Variants in PDCD6IP observed in about 807,000 individuals in gnomAD.
PDCD6IP encodes programmed cell death 6-interacting protein.
In PDCD6IP, 43 loss-of-function variants were observed where a neutral mutation model predicts 103.7. The ratio of observed to expected loss-of-function variants is 0.41; its 90% confidence interval spans 0.32 to 0.53. PDCD6IP has a LOEUF of 0.53. PDCD6IP is among the 20% of genes least tolerant of loss of function. The probability of loss-of-function intolerance (pLI) is 0.16; values close to 1 mark genes in which losing one functional copy is unlikely to be tolerated. For missense variants in PDCD6IP, 871 were observed against 1,036.7 expected (o/e 0.84, Z 2.20); for synonymous variants, 354 against 378.7 (o/e 0.93, Z 0.76).
At chr3:33,798,984 C>A in intron 1 of PDCD6IP, 47 bp downstream of exon 1, 1 of 1,431,312 alleles carries the variant, frequency 7.0e-7, no homozygotes, top group South Asian at 1.3e-5. Context: ...AGCCGTCGCT[C>A]GCCGCTCCTC....
intron 6 of PDCD6IP, 177 bp downstream of exon 6, chr3:33,826,757 T>C (rs984300239): frequency 3.9e-5 from 53 of 1,360,144 alleles, no homozygotes; most frequent in Non-Finnish European, 3.8e-5. Context: ...TGAACAATTC[T>C]TTTATGTTTA....
At position 33,798,704 on chromosome 3, in the gene PDCD6IP, C is replaced by A; in HGVS notation, c.-25C>A. 1 of 1,526,880 alleles carries A rather than the reference C, an allele frequency of 6.5e-7. No individual in the cohort carries two copies. The highest frequency in any genetic ancestry group is 8.8e-7 in the Non-Finnish European group (1 of 1,130,446). The allele number at this position is 1,526,880 out of a possible 1,614,324, so 94.6% of individuals were successfully genotyped here. A position where few individuals can be genotyped will look rare whatever the true frequency, so the allele number is the denominator to read the frequency against. On this transcript the variant is annotated 5_prime_UTR_variant, in exon 1 of 18. Transcript: ENST00000307296. ...GTAAGCTGTCCGCGGTCTGTTTGGC[C>A]CGAACGGCGGCGGAGGCGCTGATCA... is the stretch of plus-strand genomic sequence containing the variant.
chr3:33,800,216 G>A (rs1179118498), intron 1 of PDCD6IP, among the ~76,000 whole-genome samples: 1 of 151,286 alleles, frequency 6.6e-6, no homozygotes, highest in South Asian at 2.1e-4. Context: ...ACTGGAGATC[G>A]TCTTGCCTCC....
Position 33,819,744 on chromosome 3 carries a change from G to T in PDCD6IP, c.335-2211G>T, listed in dbSNP as rs115953588. Among the ~76,000 whole-genome samples the T allele has an allele frequency of 6.3e-3, 955 of 152,334 alleles. 16 individuals carry two copies. Among genetic ancestry groups the T allele is most frequent in the Admixed American group, 0.036 (550 of 15,296 alleles). ...TTTGTAAGGAGCCTTATTTTGCCTA[G>T]TGGTCAATGCCTTGCACATTATGCA... On this transcript the variant is annotated intron_variant, in intron 3 of 17. Coordinates refer to ENST00000307296, the MANE Select transcript of PDCD6IP (RefSeq NM_013374.6).
chr3:33,848,007 C>T (rs4678617), intron 12 of PDCD6IP, among the ~76,000 whole-genome samples: 1 of 151,768 alleles, frequency 6.6e-6, no homozygotes, highest in South Asian at 2.1e-4. Context: ...TACCTCCTTA[C>T]AGGTAGAGCA....
In PDCD6IP at chr3:33,813,564, C is replaced by T. The variant is rs370717543; in HGVS notation, c.270C>T (p.Cys90=). Residue 90 remains cysteine (C), a synonymous_variant, in exon 3 of 18, where the codon TGC becomes TGT. Coordinates refer to ENST00000307296, the MANE Select transcript of PDCD6IP (RefSeq NM_013374.6). ...TTTTCTTTCATTCTATCCAGATCTG[C>T]TTGACATTTACCTGGAAGGATGCTT... The part of the protein sequence containing the change: ...PKFPFSENQI[C]LTFTWKDAFD... 3 of 1,599,598 alleles carry T rather than the reference C, an allele frequency of 1.9e-6. No individual in the cohort carries two copies. The highest frequency in any genetic ancestry group is 2.6e-6 in the Non-Finnish European group (3 of 1,167,756).
intron 15 of PDCD6IP, among the ~76,000 whole-genome samples, chr3:33,856,167 T>C (rs1179502463): frequency 6.6e-6 from 1 of 152,214 alleles, no homozygotes; most frequent in Non-Finnish European, 1.5e-5. Context: ...AACAGTTTCA[T>C]CCTGAAATCA....
At chr3:33,805,354 CAA>C (rs11341586) in intron 1 of PDCD6IP, among the ~76,000 whole-genome samples, 60 of 112,424 alleles carry the variant, frequency 5.3e-4, no homozygotes, top group East Asian at 2.0e-3. Context: ...GATTCTGTCT[CAA>C]AAAAAAAAAA....
At chr3:33,808,623 TC>T (rs1334383498) in intron 1 of PDCD6IP, among the ~76,000 whole-genome samples, 1 of 152,194 alleles carries the variant, frequency 6.6e-6, no homozygotes. Flanking sequence ...ACTCCATTGA[TC>T]CGTGCTAGCA....
At chr3:33,863,950 T>C (rs1217342118) in intron 15 of PDCD6IP, 56 bp from the exon 16 acceptor site, 8 of 1,118,680 alleles carry the variant, frequency 7.2e-6, no homozygotes, top group African/African-American at 1.5e-5. Flanking sequence ...GCTGATATTT[T>C]ATGTGTGTTA....
At chr3:33,838,869 A>C (rs1424280780) in intron 9 of PDCD6IP, among the ~76,000 whole-genome samples, 3 of 151,928 alleles carry the variant, frequency 2.0e-5, no homozygotes, top group Admixed American at 2.0e-4. Flanking sequence ...TGTAAACACT[A>C]AACATGGCTC....
intron 15 of PDCD6IP, among the ~76,000 whole-genome samples, chr3:33,861,569 G>A (rs193171593): frequency 6.6e-6 from 1 of 152,206 alleles, no homozygotes; most frequent in Non-Finnish European, 1.5e-5. Context: ...GTTATATGCA[G>A]TGCTGTTGGG....
Position 33,798,763 on chromosome 3 carries a change from C to A in PDCD6IP, c.35C>A (p.Thr12Asn). Residue 12 changes from threonine to asparagine, a missense_variant, in exon 1 of 18, where the codon ACC becomes AAC. Transcript: ENST00000307296. Reference protein sequence around the residue: ...ATFISVQLKKTSEVDLAKPLV... With the variant: ...ATFISVQLKKNSEVDLAKPLV... ...TTCATCTCGGTGCAGCTGAAAAAGACCTCAGAGGTGGACCTGGCCAAGCCG... is the reference window on the plus strand; with the variant it reads ...TTCATCTCGGTGCAGCTGAAAAAGAACTCAGAGGTGGACCTGGCCAAGCCG... The A allele has an allele frequency of 6.3e-7, 1 of 1,575,196 alleles. No homozygotes were observed. Among genetic ancestry groups the A allele is most frequent in the South Asian group, 1.2e-5 (1 of 85,664 alleles).
intron 6 of PDCD6IP, 106 bp from the exon 7 acceptor site, chr3:33,828,747 G>T: frequency 8.4e-7 from 1 of 1,187,220 alleles, no homozygotes; most frequent in Non-Finnish European, 1.2e-6. Context: ...CCATTAATGG[G>T]GTGATTCTAA....
At position 33,813,643 on chromosome 3, in the gene PDCD6IP, A is replaced by G. The variant is rs1696766069; in HGVS notation, c.334+15A>G. Reference sequence around the variant, plus strand: ...TGTAAAACTGGGTATGTAATTTTTAATAAAAGTGATAGGAAAATTGGTCTA... The same window carrying G: ...TGTAAAACTGGGTATGTAATTTTTAGTAAAAGTGATAGGAAAATTGGTCTA... On this transcript the variant is annotated intron_variant, in intron 3 of 17. Transcript: ENST00000307296. 1.4e-6 allele frequency: 2 copies of G among 1,457,312 alleles called. No individual in the cohort carries two copies. The highest frequency in any genetic ancestry group is 9.6e-7 in the Non-Finnish European group (1 of 1,040,374). 90.3% of individuals were successfully genotyped at this position (1,457,312 alleles called of 1,614,324 possible).
chr3:33,838,458 C>A (rs1697400053), intron 9 of PDCD6IP, 131 bp downstream of exon 9: 1 of 806,860 alleles, frequency 1.2e-6, no homozygotes, highest in Non-Finnish European at 1.9e-6. Flanking sequence ...CACACACTTA[C>A]AACTATTTTT....
At chr3:33,800,904 C>T (rs894341511) in intron 1 of PDCD6IP, among the ~76,000 whole-genome samples, 8 of 152,178 alleles carry the variant, frequency 5.3e-5, no homozygotes, top group East Asian at 1.9e-4. Context: ...ATACGGTTCT[C>T]CTGTCAACTT....
At chr3:33,838,843 G>A (rs920030494) in intron 9 of PDCD6IP, among the ~76,000 whole-genome samples, 5 of 151,638 alleles carry the variant, frequency 3.3e-5, no homozygotes, top group African/African-American at 1.2e-4. Context: ...ATTGTCACCA[G>A]GCTGGAGTGC....
In PDCD6IP at chr3:33,825,254, T is replaced by C. The variant is rs1252855129; in HGVS notation, c.530T>C (p.Val177Ala). The C allele has an allele frequency of 1.9e-6, 3 of 1,613,690 alleles. No homozygotes were observed. The highest frequency in any genetic ancestry group is 2.5e-6 in the Non-Finnish European group (3 of 1,179,824). Residue 177 changes from valine to alanine, a missense_variant, in exon 5 of 18, where the codon GTG (valine) becomes GCG (alanine). Transcript: ENST00000307296. ...TCTGCCTTAAGTCGAGAGCCGACCG[T>C]GGACATATCTCCAGATACTGTTGGG... The part of the protein sequence containing the change: ...VLSALSREPT[V>A]DISPDTVGTL...
Sources: allele counts gnomAD v4.1 joint callset (sites outside exome capture counted in the v4.1 genomes callset), GRCh38; gene constraint gnomAD v4.1.1; transcripts MANE v1.5; gene names NCBI Gene and HGNC (gene_info 2026-07-23, HGNC 2026-07-21).